Variants in PLSCR4 observed in about 807,000 individuals in gnomAD.
PLSCR4 encodes the protein phospholipid scramblase 4.
Under a neutral mutation model 36.3 loss-of-function variants are expected in PLSCR4, and 25 were observed. That is an observed-to-expected ratio of 0.69 (90% CI 0.50 to 0.96). PLSCR4 has a LOEUF of 0.96. PLSCR4 is among the 40% of genes least tolerant of loss of function. The probability of loss-of-function intolerance (pLI) is 0.00; values close to 1 mark genes in which losing one functional copy is unlikely to be tolerated. For missense variants in PLSCR4, 408 were observed against 414.7 expected (o/e 0.98, Z 0.14); for synonymous variants, 122 against 132.9 (o/e 0.92, Z 0.56).
intron 1 of PLSCR4, among the ~76,000 whole-genome samples, chr3:146,244,962 T>G (rs375263550): frequency 1.3e-5 from 2 of 152,176 alleles, no homozygotes; most frequent in South Asian, 2.1e-4. Flanking sequence ...CTTTTGTTAT[T>G]CATGGGAGGA....
At chr3:146,210,021 A>C (rs751997895) in intron 3 of PLSCR4, among the ~76,000 whole-genome samples, 15 of 152,142 alleles carry the variant, frequency 9.9e-5, no homozygotes, top group Non-Finnish European at 1.9e-4. Context: ...CAAATACCAA[A>C]ACCTACAAAT....
chr3:146,222,712 G>A (rs1444544898), intron 1 of PLSCR4, among the ~76,000 whole-genome samples: 1 of 152,158 alleles, frequency 6.6e-6, no homozygotes, highest in East Asian at 1.9e-4. Flanking sequence ...ATGGCAAGGG[G>A]TTTGGCATTT....
intron 1 of PLSCR4, among the ~76,000 whole-genome samples, chr3:146,247,116 T>G (rs114240874): frequency 1.3e-5 from 2 of 152,226 alleles, no homozygotes; most frequent in Non-Finnish European, 2.9e-5. Context: ...TTCTTTTTAA[T>G]GGCTGCAACA....
chr3:146,211,345 T>C (rs772740224), intron 3 of PLSCR4, among the ~76,000 whole-genome samples: 3 of 152,150 alleles, frequency 2.0e-5, no homozygotes, highest in Non-Finnish European at 2.9e-5. Flanking sequence ...GCCATTTGTA[T>C]ATCTCCTTTG....
chr3:146,219,798 G>C (rs1353221106), intron 3 of PLSCR4, among the ~76,000 whole-genome samples: 1 of 152,026 alleles, frequency 6.6e-6, no homozygotes, highest in Non-Finnish European at 1.5e-5. Context: ...AAATTAGCCG[G>C]GCGTGGTGGT....
chr3:146,249,529 T>C (rs946594607), intron 1 of PLSCR4, among the ~76,000 whole-genome samples: 3 of 151,968 alleles, frequency 2.0e-5, no homozygotes, highest in African/African-American at 7.2e-5. Flanking sequence ...TGTCTTTTAA[T>C]CACCACAGTT....
chr3:146,247,801 T>G (rs115714972), intron 1 of PLSCR4, among the ~76,000 whole-genome samples: 4,221 of 152,242 alleles, frequency 0.028, 162 homozygotes, highest in African/African-American at 0.089. Context: ...TTTTAAATTT[T>G]TTTAGAGGTG....
At chr3:146,209,446 T>C (rs2034510026) in intron 3 of PLSCR4, among the ~76,000 whole-genome samples, 1 of 152,118 alleles carries the variant, frequency 6.6e-6, no homozygotes, top group Non-Finnish European at 1.5e-5. Context: ...AGAGTACTCA[T>C]AAAAATGAAT....
intron 1 of PLSCR4, among the ~76,000 whole-genome samples, chr3:146,238,012 T>C (rs972127350): frequency 6.6e-5 from 10 of 151,842 alleles, no homozygotes; most frequent in African/African-American, 1.9e-4. Context: ...GCCATATTAA[T>C]ACTAACCTTA....
At chr3:146,226,164 A>G (rs1398004504) in intron 1 of PLSCR4, among the ~76,000 whole-genome samples, 1 of 152,228 alleles carries the variant, frequency 6.6e-6, no homozygotes, top group Non-Finnish European at 1.5e-5. Flanking sequence ...CCCACAAGGA[A>G]CCCTAAGTTC....
chr3:146,238,601 T>C (rs2036015938), intron 1 of PLSCR4, among the ~76,000 whole-genome samples: 1 of 152,054 alleles, frequency 6.6e-6, no homozygotes, highest in African/African-American at 2.4e-5. Flanking sequence ...TCTTTATTGA[T>C]AAAAACAATA....
intron 3 of PLSCR4, among the ~76,000 whole-genome samples, chr3:146,207,176 TTA>T (rs1346409188): frequency 6.6e-6 from 1 of 152,132 alleles, no homozygotes; most frequent in East Asian, 1.9e-4. Context: ...ATTTTTGTTA[TTA>T]TGTCTATTGT....
intron 6 of PLSCR4, 72 bp downstream of exon 6, chr3:146,199,741 G>A (rs1177247576): frequency 1.1e-5 from 14 of 1,217,792 alleles, no homozygotes; most frequent in Non-Finnish European, 1.7e-5. Context: ...TCCCTATGTA[G>A]TGGAAGGAGC....
In PLSCR4 at chr3:146,244,192, C is replaced by T. The variant is rs75290290; in HGVS notation, c.-22+6768G>A. On this transcript the variant is annotated intron_variant, in intron 1 of 8. Coordinates refer to ENST00000354952, the MANE Select transcript of PLSCR4 (RefSeq NM_020353.3). Reference sequence around the variant, plus strand: ...ATTGAGATACTGATACCTTTGCTTTCTGATGGTTCAACGTACGTAAACGTT... The same window carrying T: ...ATTGAGATACTGATACCTTTGCTTTTTGATGGTTCAACGTACGTAAACGTT... Among the ~76,000 whole-genome samples the T allele has an allele frequency of 2.0e-3, 310 of 152,248 alleles. 3 individuals carry two copies. Among genetic ancestry groups the T allele is most frequent in the African/African-American group, 7.2e-3 (301 of 41,554 alleles).
chr3:146,235,463 A>G (rs187230617), intron 1 of PLSCR4, among the ~76,000 whole-genome samples: 2 of 152,210 alleles, frequency 1.3e-5, no homozygotes, highest in East Asian at 3.9e-4. Flanking sequence ...TGCCAGCATC[A>G]TGCTTCCTGT....
chr3:146,199,925 A>G lies in PLSCR4; in HGVS notation c.512T>C (p.Leu171Pro). ...DDFTRNAYRT[L>P]RPFVLRVTDC... is the part of the protein sequence containing the mutation. ...AGTGACCCGGAGGACGAAGGGCCTT[A>G]GTGTCCGATAGGCATTCCTGGTAAA... The change falls in exon 6 of 9, where the codon CTA becomes CCA. Residue 171 changes from leucine (L) to proline (P), a missense_variant. Leu to Pro is a moderately conservative substitution (Grantham distance 98). Coordinates refer to ENST00000354952, the MANE Select transcript of PLSCR4 (RefSeq NM_020353.3). 6.2e-7 allele frequency: 1 copy of G among 1,613,536 alleles called. No individual in the cohort carries two copies. The highest frequency in any genetic ancestry group is 8.5e-7 in the Non-Finnish European group (1 of 1,179,672).
rs537537242 is a variant in PLSCR4 at position 146,205,115 on chromosome 3, A to AGG, written c.354+1409_354+1410dup. 3.6e-3 allele frequency among the ~76,000 whole-genome samples: 552 copies of AGG among 152,118 alleles called. 7 individuals carry two copies. Among genetic ancestry groups the AGG allele is most frequent in the African/African-American group, 0.012 (511 of 41,530 alleles). On this transcript the variant is annotated intron_variant, in intron 4 of 8. Coordinates refer to ENST00000354952, the MANE Select transcript of PLSCR4 (RefSeq NM_020353.3). Reference sequence around the variant, plus strand: ...GAAATACTTGGCTGTTGACCTGGGGAGGTAAGTATTAAATTGGGAAGTTTC... The same window carrying AGG: ...GAAATACTTGGCTGTTGACCTGGGGAGGGGTAAGTATTAAATTGGGAAGTTTC...
intron 3 of PLSCR4, among the ~76,000 whole-genome samples, chr3:146,208,433 A>C (rs6794565): frequency 0.047 from 7,207 of 152,284 alleles, 199 homozygotes; most frequent in South Asian, 0.073. Context: ...AGTAGGTGGG[A>C]CTTAATTAAA....
At chr3:146,196,916 A>G in intron 6 of PLSCR4, 123 bp from the exon 7 acceptor site, 2 of 821,944 alleles carry the variant, frequency 2.4e-6, no homozygotes, top group Non-Finnish European at 3.8e-6. Flanking sequence ...TATTGTTGGG[A>G]GTGACAGCCT....
Sources: allele counts gnomAD v4.1 joint callset (sites outside exome capture counted in the v4.1 genomes callset), GRCh38; gene constraint gnomAD v4.1.1; transcripts MANE v1.5; gene names NCBI Gene and HGNC (gene_info 2026-07-23, HGNC 2026-07-21).